The following ABCA8 variants were observed in gnomAD, a reference collection of about 807,000 sequenced individuals.
The protein encoded by ABCA8 is ABC-type organic anion transporter ABCA8.
A neutral mutation model predicts 192.3 loss-of-function variants in ABCA8; 177 were observed. That is an observed-to-expected ratio of 0.92 (90% CI 0.81 to 1.04). The LOEUF (loss-of-function observed/expected upper bound fraction) is 1.04. ABCA8 is among the 50% of genes least tolerant of loss of function. The pLI is 0.00. For synonymous variants in ABCA8, 642 were observed against 690.2 expected, an observed-to-expected ratio of 0.93 and a Z score of 1.09; for missense variants, 1,915 against 1,904.8, an observed-to-expected ratio of 1.01 and a Z score of -0.10.
chr17:68,876,686 T>C lies in ABCA8; in HGVS notation c.4217A>G (p.Lys1406Arg). Reference protein sequence around the residue: ...VAITRLVDALKLQDQLKSPVK... With the variant: ...VAITRLVDALRLQDQLKSPVK... ...GGGAGACTTCAGCTGGTCCTGCAGC[T>C]TGAGCGCATCCACTAACCTGAAGGA... Residue 1406 changes from lysine to arginine, a missense_variant, in exon 34 of 40, where the codon AAG becomes AGG. Coordinates refer to ENST00000586539, the MANE Select transcript of ABCA8 (RefSeq NM_001288985.2). 1 of 1,614,178 alleles carries C rather than the reference T, an allele frequency of 6.2e-7. No individual in the cohort carries two copies. The highest frequency in any genetic ancestry group is 8.5e-7 in the Non-Finnish European group (1 of 1,180,018).
intron 2 of ABCA8, among the ~76,000 whole-genome samples, chr17:68,945,672 T>A (rs1336534676): frequency 6.6e-6 from 1 of 152,106 alleles, no homozygotes; most frequent in African/African-American, 2.4e-5. Flanking sequence ...TGGTGATGAG[T>A]TTTTTTCTTT....
intron 5 of ABCA8, among the ~76,000 whole-genome samples, chr17:68,934,355 A>G (rs1460748784): frequency 1.3e-5 from 2 of 152,164 alleles, no homozygotes; most frequent in Admixed American, 6.5e-5. Flanking sequence ...TCTTGTAAAT[A>G]TATCTGTATT....
intron 17 of ABCA8, among the ~76,000 whole-genome samples, chr17:68,909,699 A>T (rs1011491025): frequency 1.6e-4 from 24 of 151,704 alleles, no homozygotes; most frequent in African/African-American, 5.8e-4. Context: ...TATAAGAAAT[A>T]AAAAAAAATT....
At chr17:68,889,408 C>T (rs945770825) in intron 24 of ABCA8, among the ~76,000 whole-genome samples, 1 of 152,144 alleles carries the variant, frequency 6.6e-6, no homozygotes, top group Non-Finnish European at 1.5e-5. Context: ...ATTATAGATT[C>T]GTTTGGATTA....
At position 68,868,369 on chromosome 17, in the gene ABCA8, G is replaced by A. The variant is rs756684354; in HGVS notation, c.4712-13C>T. ...AAGCTCTGTTTAACTGCATAGGGAT[G>A]AACATGTATTAGTTCATATATTTCA... On this transcript the variant is annotated splice_polypyrimidine_tract_variant and intron_variant, in intron 38 of 39. Coordinates refer to ENST00000586539, the MANE Select transcript of ABCA8 (RefSeq NM_001288985.2). 3.7e-6 allele frequency: 6 copies of A among 1,606,978 alleles called. No individual in the cohort carries two copies. The South Asian group carries it at 6.6e-5, about 18-fold the overall frequency.
chr17:68,940,925 T>A lies in ABCA8; in HGVS notation c.134A>T (p.Tyr45Phe). The A allele has an allele frequency of 6.2e-7, 1 of 1,611,812 alleles. No individual in the cohort carries two copies. The highest frequency in any genetic ancestry group is 8.5e-7 in the Non-Finnish European group (1 of 1,178,140). The change falls in exon 4 of 40, where the codon TAT (tyrosine) becomes TTT (phenylalanine). Residue 45 changes from tyrosine to phenylalanine, a missense_variant. Tyr to Phe is a conservative substitution (Grantham distance 22). Transcript: ENST00000586539. Reference protein sequence around the residue: ...LNSLLLLLCLYIYPHSHQVND... With the variant: ...LNSLLLLLCLFIYPHSHQVND... ...TACTTGATGACTATGAGGATATATA[T>A]ACAAACAAAGTAGTAGGAGCAATGA... is the stretch of plus-strand genomic sequence containing the variant.
In ABCA8 at chr17:68,929,054, C is replaced by G. The variant is rs764889029; in HGVS notation, c.1120G>C (p.Ala374Pro). ...ACATTCAGATGGCATCTCACCTGGG[C>G]CATTCCAAGCATGAAGGCAAAGGGA... ...LSPFAFMLGM[A>P]QLLHLDYDLN... Residue 374 changes from alanine (A) to proline (P), a missense_variant, in exon 9 of 40, where the codon GCC (alanine) becomes CCC (proline). Transcript: ENST00000586539. 6.4e-7 allele frequency: 1 copy of G among 1,560,448 alleles called. No individual in the cohort carries two copies. The highest frequency in any genetic ancestry group is 8.7e-7 in the Non-Finnish European group (1 of 1,152,084).
intron 21 of ABCA8, among the ~76,000 whole-genome samples, chr17:68,900,622 CATT>C (rs2066883496): frequency 6.7e-6 from 1 of 148,496 alleles, no homozygotes; most frequent in African/African-American, 2.5e-5. Context: ...TATCTAAAGA[CATT>C]AGCATAAAAT....
In ABCA8 at chr17:68,907,877, A is replaced by G. The variant is rs769726002; in HGVS notation, c.2141T>C (p.Leu714Ser). The stretch of plus-strand genomic sequence containing the variant: ...CTCAACACATATTTCATTTAACTGC[A>G]AGCTGGCATTCAGAAAAAAAAAAAA... The part of the protein sequence containing the change: ...KKWGIGYHLS[L>S]QLNEICVEEN... Residue 714 changes from leucine to serine, a missense_variant and splice_region_variant, in exon 18 of 40, where the codon TTG becomes TCG. By Grantham distance (145) the Leu-to-Ser change is moderately radical. Transcript: ENST00000586539. 6.4e-7 allele frequency: 1 copy of G among 1,561,776 alleles called. No individual in the cohort carries two copies. The highest frequency in any genetic ancestry group is 8.6e-7 in the Non-Finnish European group (1 of 1,163,176).
chr17:68,890,103 A>G (rs2066588418), intron 24 of ABCA8, among the ~76,000 whole-genome samples: 1 of 152,222 alleles, frequency 6.6e-6, no homozygotes, highest in Admixed American at 6.6e-5. Flanking sequence ...CAATAAGCAT[A>G]TTTTTAACTT....
intron 27 of ABCA8, chr17:68,884,739 T>C: frequency 9.4e-7 from 1 of 1,059,570 alleles, no homozygotes. Flanking sequence ...CCCCTTCTCT[T>C]CCTTTCCCCT....
intron 2 of ABCA8, chr17:68,944,461 A>G (rs2068339921): frequency 6.7e-6 from 1 of 150,344 alleles, no homozygotes. Context: ...CCAAAGGGCA[A>G]ATCTAGAAAC....
rs763239590 is a variant in ABCA8 at position 68,906,178 on chromosome 17, T to C, written c.2279-15A>G. ...CTTGTAAAGTTCTAAAGAATACATA[T>C]ACAGCAGTGAATTAAAACAAGAATC... is the stretch of plus-strand genomic sequence containing the variant. On this transcript the variant is annotated splice_polypyrimidine_tract_variant and intron_variant, in intron 18 of 39. Transcript: ENST00000586539. The C allele has an allele frequency of 6.0e-6, 9 of 1,488,134 alleles. No homozygotes were observed. In the South Asian group the frequency reaches 7.3e-5, roughly 12 times the overall value. The allele number at this position is 1,488,134 out of a possible 1,614,324, so 92.2% of individuals were successfully genotyped here. A position where few individuals can be genotyped will look rare whatever the true frequency, so the allele number is the denominator to read the frequency against.
At chr17:68,953,573 C>T (rs1239170121) in intron 1 of ABCA8, among the ~76,000 whole-genome samples, 2 of 152,006 alleles carry the variant, frequency 1.3e-5, no homozygotes, top group Non-Finnish European at 2.9e-5. Context: ...GAGGGGCAGG[C>T]CTAAGTGGAA....
intron 21 of ABCA8, among the ~76,000 whole-genome samples, chr17:68,895,876 C>A (rs147177196): frequency 2.6e-4 from 40 of 152,232 alleles, no homozygotes; most frequent in African/African-American, 9.4e-4. Context: ...GAATAAGAGG[C>A]CCAAAACACC....
At chr17:68,893,716 A>G (rs1035927797) in intron 23 of ABCA8, among the ~76,000 whole-genome samples, 7 of 84,748 alleles carry the variant, frequency 8.3e-5, no homozygotes, top group Admixed American at 1.5e-4. Flanking sequence ...ATTGCTTCAT[A>G]TTCTCTTTTT....
rs887461972 is a variant in ABCA8, at chr17:68,903,226, C to T, written c.2597+75G>A. 28 of 1,491,670 alleles carry T rather than the reference C, an allele frequency of 1.9e-5. No homozygotes were observed. In the Admixed American group the frequency reaches 1.9e-4, roughly 10 times the overall value. 92.4% of individuals were successfully genotyped at this position (1,491,670 alleles called of 1,614,324 possible). A position where few individuals can be genotyped will look rare whatever the true frequency, so the allele number is the denominator to read the frequency against. ...TTCATCATATCTTTGTGTTTTTTTG[C>T]TTGCCTTTATACCTTAGATTTGCTT... On this transcript the variant is annotated intron_variant, in intron 20 of 39. Coordinates refer to ENST00000586539, the MANE Select transcript of ABCA8 (RefSeq NM_001288985.2).
At position 68,919,318 on chromosome 17, in the gene ABCA8, G is replaced by A. The variant is rs775795770; in HGVS notation, c.1771C>T (p.Gln591Ter). Residue 591 changes from glutamine (Q) to a stop codon, truncating the protein, a stop_gained, in exon 14 of 40, where the codon CAA becomes TAA. Coordinates refer to ENST00000586539, the MANE Select transcript of ABCA8 (RefSeq NM_001288985.2). LOFTEE classifies it high-confidence loss of function. ...LFAKIKGILP[Q>*]EVDKEIQRVL... ...TTTTGTACCTCTTTATCCACTTCTT[G>A]TGGCAGAATCCCTTTTATTTTAGCA... 7 of 1,611,140 alleles carry A rather than the reference G, an allele frequency of 4.3e-6. No homozygotes were observed. The South Asian group carries it at 4.4e-5, about 10-fold the overall frequency.
In ABCA8 at chr17:68,922,239, TACCTTTCAAGGCTTCTA is replaced by T; in HGVS notation, c.1487_1501+2del. ...TTTTTTTTTTTTTTTTTTTTTTTTT[TACCTTTCAAGGCTTCTA>T]TTTTATCAGGCTTTCCTTTATATTC... On this transcript the variant is annotated splice_donor_variant and coding_sequence_variant, in exon 12 of 40. Transcript: ENST00000586539. LOFTEE classifies it high-confidence loss of function. 1 of 506,692 alleles carries T rather than the reference TACCTTTCAAGGCTTCTA, an allele frequency of 2.0e-6. No individual in the cohort carries two copies. The highest frequency in any genetic ancestry group is 2.9e-6 in the Non-Finnish European group (1 of 341,438). 31.4% of individuals were successfully genotyped at this position (506,692 alleles called of 1,614,324 possible). A position where few individuals can be genotyped will look rare whatever the true frequency, so the allele number is the denominator to read the frequency against.
Sources: allele counts gnomAD v4.1 joint callset (sites outside exome capture counted in the v4.1 genomes callset), GRCh38; gene constraint gnomAD v4.1.1; transcripts MANE v1.5; gene names NCBI Gene and HGNC (gene_info 2026-07-23, HGNC 2026-07-21).